The following ROBO1 variants were observed in gnomAD, a reference collection of about 807,000 sequenced individuals.
ROBO1 encodes the protein roundabout guidance receptor 1.
ROBO1 carries 149 observed loss-of-function variants against 195.9 expected under a neutral mutation model. That is an observed-to-expected ratio of 0.76 (90% CI 0.67 to 0.87). The LOEUF (loss-of-function observed/expected upper bound fraction) is 0.87, where lower values mean the gene tolerates loss of function less well. Among genes scored for constraint, ROBO1 ranks in the 40% least tolerant of loss-of-function variants. The pLI is 0.00. For synonymous variants in ROBO1, 816 were observed against 733.2 expected, an observed-to-expected ratio of 1.11 and a Z score of -1.82; for missense variants, 1,933 against 2,068.3, an observed-to-expected ratio of 0.93 and a Z score of 1.27.
intron 2 of ROBO1, among the ~76,000 whole-genome samples, chr3:79,484,291 A>G (rs993648081): frequency 1.3e-5 from 2 of 152,292 alleles, no homozygotes; most frequent in Non-Finnish European, 1.5e-5. Flanking sequence ...TCAGTTTTCA[A>G]GAAAACTTTC....
intron 4 of ROBO1, among the ~76,000 whole-genome samples, chr3:78,862,290 T>C (rs2034899857): frequency 6.6e-6 from 1 of 152,022 alleles, no homozygotes; most frequent in Non-Finnish European, 1.5e-5. Context: ...AAGACCAGCC[T>C]CTGAATGACA....
chr3:79,551,223 G>C (rs1179687258), intron 2 of ROBO1, among the ~76,000 whole-genome samples: 2 of 150,390 alleles, frequency 1.3e-5, no homozygotes, highest in Non-Finnish European at 3.0e-5. Flanking sequence ...TAAGTTTTGG[G>C]GTACATGTGC....
At chr3:78,634,601 G>A in intron 23 of ROBO1, 2 of 241,650 alleles carry the variant, frequency 8.3e-6, no homozygotes, top group South Asian at 4.0e-5. Context: ...GGCTCTCAGG[G>A]CTTTCCGAAG....
At chr3:79,400,985 A>C (rs1310644510) in intron 2 of ROBO1, among the ~76,000 whole-genome samples, 1 of 151,836 alleles carries the variant, frequency 6.6e-6, no homozygotes. Context: ...ATATTTATTG[A>C]CTTTGCAAAG....
At chr3:79,483,364 T>C (rs987502809) in intron 2 of ROBO1, among the ~76,000 whole-genome samples, 1 of 152,228 alleles carries the variant, frequency 6.6e-6, no homozygotes, top group Non-Finnish European at 1.5e-5. Flanking sequence ...GAGTTTTCAG[T>C]AAGCCTTGCT....
rs142439543 is a variant in ROBO1, at chr3:79,349,495, T to C, written c.89-223956A>G. On this transcript the variant is annotated intron_variant, in intron 2 of 30. Transcript: ENST00000464233. ...AGATAAATAGATGATAGATAGATTA[T>C]AAGAAACTAAGACTAATTAAAACAC... 1.8e-4 allele frequency among the ~76,000 whole-genome samples: 27 copies of C among 152,236 alleles called. No individual in the cohort carries two copies. In the East Asian group the frequency reaches 3.9e-3, roughly 22 times the overall value.
At chr3:79,120,477 T>G (rs543745425) in intron 3 of ROBO1, among the ~76,000 whole-genome samples, 1 of 152,288 alleles carries the variant, frequency 6.6e-6, no homozygotes, top group East Asian at 1.9e-4. Context: ...ATTTTGATAT[T>G]CTCCAAGCTT....
intron 28 of ROBO1, among the ~76,000 whole-genome samples, chr3:78,611,828 C>T (rs921130379): frequency 1.3e-5 from 2 of 152,132 alleles, no homozygotes; most frequent in African/African-American, 4.8e-5. Context: ...TTAGGACACA[C>T]ACATACACTG....
intron 2 of ROBO1, among the ~76,000 whole-genome samples, chr3:79,139,230 T>C (rs961705899): frequency 1.3e-5 from 2 of 152,046 alleles, no homozygotes; most frequent in African/African-American, 4.8e-5. Context: ...GGTAAATTCG[T>C]TAATGGATAA....
At chr3:78,661,335 C>T (rs553992069) in intron 15 of ROBO1, 74 bp from the exon 16 acceptor site, 34 of 977,066 alleles carry the variant, frequency 3.5e-5, no homozygotes, top group African/African-American at 8.3e-5. Context: ...AAAAATTAAA[C>T]GTTATAAAAT....
chr3:78,779,354 C>A (rs1449271597), intron 4 of ROBO1, among the ~76,000 whole-genome samples: 1 of 151,894 alleles, frequency 6.6e-6, no homozygotes, highest in Non-Finnish European at 1.5e-5. Flanking sequence ...TGCAATCTAC[C>A]CATCTGACAA....
chr3:78,886,119 T>C lies in ROBO1; in HGVS notation c.499+52482A>G, dbSNP rs533947399. 3.3e-5 allele frequency among the ~76,000 whole-genome samples: 5 copies of C among 151,856 alleles called. No individual in the cohort carries two copies. In the East Asian group the frequency reaches 7.7e-4, roughly 24 times the overall value. ...GTTATGTCAAATATTTAACCAGTTA[T>C]GCTTTTCCTACAATAAAGAGTTAAA... On this transcript the variant is annotated intron_variant, in intron 4 of 30. Coordinates refer to ENST00000464233, the MANE Select transcript of ROBO1 (RefSeq NM_002941.4).
intron 8 of ROBO1, among the ~76,000 whole-genome samples, chr3:78,696,691 TATATATATACAC>T (rs1453032189): frequency 3.4e-5 from 5 of 146,940 alleles, no homozygotes; most frequent in Admixed American, 1.4e-4. Context: ...TATACATACA[TATATATATACAC>T]ATATATATAC....
Position 79,090,635 on chromosome 3 carries a change from T to C in ROBO1, c.172+34821A>G, listed in dbSNP as rs1325260671. On this transcript the variant is annotated intron_variant, in intron 3 of 30. Transcript: ENST00000464233. ...GTTCAAATCTTGGTTCTATCACTTG[T>C]TACTACCTCTATGAGTTTGGGCCTA... Among the ~76,000 whole-genome samples the C allele has an allele frequency of 3.3e-5, 5 of 152,172 alleles. No individual in the cohort carries two copies. The East Asian group carries it at 9.6e-4, about 29-fold the overall frequency.
intron 2 of ROBO1, among the ~76,000 whole-genome samples, chr3:79,241,946 A>C (rs2082527188): frequency 3.5e-5 from 1 of 28,258 alleles, no homozygotes; most frequent in South Asian, 2.0e-3. Flanking sequence ...GCTTAATTTA[A>C]GCTTTTTTTT....
At chr3:78,730,107 A>G (rs916096261) in intron 5 of ROBO1, among the ~76,000 whole-genome samples, 1 of 152,212 alleles carries the variant, frequency 6.6e-6, no homozygotes, top group Admixed American at 6.5e-5. Flanking sequence ...ACAAATGTTC[A>G]TAGTATTTGA....
chr3:78,665,190 A>G (rs375228305), intron 14 of ROBO1, among the ~76,000 whole-genome samples: 1 of 152,210 alleles, frequency 6.6e-6, no homozygotes, highest in Non-Finnish European at 1.5e-5. Flanking sequence ...CAGAACAAAC[A>G]CATTACTCCA....
At chr3:79,238,280 T>C (rs2082451127) in intron 2 of ROBO1, among the ~76,000 whole-genome samples, 1 of 152,174 alleles carries the variant, frequency 6.6e-6, no homozygotes, top group African/African-American at 2.4e-5. Flanking sequence ...AACTGTATAA[T>C]AGAAAGGGTA....
chr3:79,233,402 T>C lies in ROBO1; in HGVS notation c.89-107863A>G, dbSNP rs1042157283. ...TAACCTATCAATAATAGTAATAATG[T>C]ACATTCAACAATGATTTTTAACATT... On this transcript the variant is annotated intron_variant, in intron 2 of 30. Transcript: ENST00000464233. Among the ~76,000 whole-genome samples, 9 of 152,142 alleles carry C rather than the reference T, an allele frequency of 5.9e-5. No individual in the cohort carries two copies. In the East Asian group the frequency reaches 1.3e-3, roughly 23 times the overall value.
Sources: gnomAD v4.1 joint callset for allele counts (sites outside exome capture counted in the v4.1 genomes callset) on GRCh38, gnomAD v4.1.1 for gene constraint, MANE v1.5 for transcripts, NCBI Gene and HGNC (gene_info 2026-07-23, HGNC 2026-07-21) for gene names.